RPE65: variants seen among roughly 807,000 people sequenced by gnomAD.
RPE65 encodes retinoid isomerohydrolase.
Under a neutral mutation model 68.5 loss-of-function variants are expected in RPE65, and 58 were observed. The observed-to-expected ratio is 0.85, with a 90% confidence interval of 0.69 to 1.05. The LOEUF is 1.05. RPE65 is among the 50% of genes least tolerant of loss of function. The probability of loss-of-function intolerance (pLI) is 0.00; values close to 1 mark genes in which losing one functional copy is unlikely to be tolerated. For synonymous variants in RPE65, 220 were observed against 222.2 expected (o/e 0.99, Z 0.09); for missense variants, 643 against 629.9 (o/e 1.02, Z -0.22).
intron 10 of RPE65, among the ~76,000 whole-genome samples, chr1:68,432,675 T>C (rs972613383): frequency 6.6e-6 from 1 of 152,150 alleles, no homozygotes; most frequent in Non-Finnish European, 1.5e-5. Flanking sequence ...TAGGTCATTA[T>C]GAGGACTTGA....
intron 3 of RPE65, among the ~76,000 whole-genome samples, chr1:68,445,574 C>T (rs771362318): frequency 2.6e-5 from 4 of 151,928 alleles, no homozygotes; most frequent in Non-Finnish European, 4.4e-5. Flanking sequence ...AGTGCAGTGG[C>T]GCAATCTTGG....
At chr1:68,439,682 TTA>T in intron 6 of RPE65, 40 bp from the exon 7 acceptor site, 7 of 1,523,394 alleles carry the variant, frequency 4.6e-6, no homozygotes, top group Middle Eastern at 1.7e-4. Flanking sequence ...GAAGAGCCTC[TTA>T]TTTTTTTTTT....
At chr1:68,435,090 A>G (rs1645851453) in intron 10 of RPE65, among the ~76,000 whole-genome samples, 1 of 152,020 alleles carries the variant, frequency 6.6e-6, no homozygotes, top group South Asian at 2.1e-4. Flanking sequence ...CAACTTGTCT[A>G]TGGCAATGGG....
chr1:68,446,988 C>T lies in RPE65; in HGVS notation c.95-128G>A, dbSNP rs57229366. 2,310 of 1,267,880 alleles carry T rather than the reference C, an allele frequency of 1.8e-3. 24 individuals are homozygous for T. The African/African-American group carries it at 0.027, about 15-fold the overall frequency. The allele number at this position is 1,267,880 out of a possible 1,614,324, so 78.5% of individuals were successfully genotyped here. ...TCCTCATAGAGCTGGCAGTGATTTTCATTTCCAGCCCTCGCGCTGGACAGC... is the reference window on the plus strand; with the variant it reads ...TCCTCATAGAGCTGGCAGTGATTTTTATTTCCAGCCCTCGCGCTGGACAGC... On this transcript the variant is annotated intron_variant, in intron 2 of 13. Coordinates refer to ENST00000262340, the MANE Select transcript of RPE65 (RefSeq NM_000329.3).
rs145318478 is a variant in RPE65, at chr1:68,429,803, G to A, written c.1575C>T (p.Thr525=). The change falls in exon 14 of 14, where the codon ACC becomes ACT. Residue 525 remains threonine, a synonymous_variant. Coordinates refer to ENST00000262340, the MANE Select transcript of RPE65 (RefSeq NM_000329.3). ...AAGATTTTTTGAACAGTCCATGAAA[G>A]GTGACAGGGATGTTAATCTCCACTT... The part of the protein sequence containing the change: ...RAEVEINIPV[T]FHGLFKKS 3 of 1,613,694 alleles carry A rather than the reference G, an allele frequency of 1.9e-6. No homozygotes were observed. Among genetic ancestry groups the A allele is most frequent in the Admixed American group, 3.3e-5 (2 of 59,970 alleles).
chr1:68,439,776 T>A, intron 6 of RPE65, 134 bp from the exon 7 acceptor site: 2 of 719,312 alleles, frequency 2.8e-6, no homozygotes, highest in Non-Finnish European at 4.7e-6. Context: ...ATTTTCTCCA[T>A]CATTTGCACT....
Position 68,435,602 on chromosome 1 carries a change from T to G in RPE65, c.1128+2585A>C, listed in dbSNP as rs1555847. ...CTACTTTTGCCTATGTTTCAACCAA[T>G]TATAATAGCCAATTCTCTCTGCGTA... On this transcript the variant is annotated intron_variant, in intron 10 of 13. Coordinates refer to ENST00000262340, the MANE Select transcript of RPE65 (RefSeq NM_000329.3). 8.8e-3 allele frequency among the ~76,000 whole-genome samples: 1,342 copies of G among 152,284 alleles called. 19 individuals carry two copies. Among genetic ancestry groups the G allele is most frequent in the African/African-American group, 0.031 (1,283 of 41,556 alleles).
chr1:68,449,011 T>A (rs1016651045), intron 1 of RPE65, among the ~76,000 whole-genome samples: 1 of 152,140 alleles, frequency 6.6e-6, no homozygotes, highest in African/African-American at 2.4e-5. Flanking sequence ...CTTAATCCTG[T>A]CCTCTGCAGT....
Position 68,439,198 on chromosome 1 carries a change from G to A in RPE65, c.851C>T (p.Thr284Ile), listed in dbSNP as rs762063627. Residue 284 changes from threonine (T) to isoleucine (I), a missense_variant, in exon 8 of 14, where the codon ACC becomes ATC. Transcript: ENST00000262340. ...AATATATCTAAGACTTACCCCCATG[G>A]TTTCATTGGACTCAAAACAATCCAT... is the stretch of plus-strand genomic sequence containing the variant. Reference protein sequence around the residue: ...NYMDCFESNETMGVWLHIADK... With the variant: ...NYMDCFESNEIMGVWLHIADK... 5 of 1,614,034 alleles carry A rather than the reference G, an allele frequency of 3.1e-6. No homozygotes were observed. Among genetic ancestry groups the A allele is most frequent in the Admixed American group, 3.3e-5 (2 of 60,008 alleles).
intron 2 of RPE65, among the ~76,000 whole-genome samples, 198 bp from the exon 3 acceptor site, chr1:68,447,058 C>T (rs138835303): frequency 9.3e-4 from 142 of 152,208 alleles, no homozygotes; most frequent in African/African-American, 3.3e-3. Flanking sequence ...ACTAGGAGAT[C>T]ACACCTTGGG....
intron 10 of RPE65, among the ~76,000 whole-genome samples, chr1:68,432,588 G>T (rs1384545205): frequency 6.6e-6 from 1 of 152,100 alleles, no homozygotes; most frequent in East Asian, 1.9e-4. Context: ...GTCCAGTGTG[G>T]ATTCTATCAA....
chr1:68,437,327 G>A (rs1383286086), intron 10 of RPE65, among the ~76,000 whole-genome samples: 1 of 151,982 alleles, frequency 6.6e-6, no homozygotes, highest in East Asian at 1.9e-4. Flanking sequence ...ACTCCTCCTT[G>A]CCTTTATAGA....
rs1191709569 is a variant in RPE65, at chr1:68,439,276, T to G, written c.773A>C (p.Lys258Thr). The G allele has an allele frequency of 2.5e-6, 4 of 1,613,870 alleles. No homozygotes were observed. Among genetic ancestry groups the G allele is most frequent in the Non-Finnish European group, 3.4e-6 (4 of 1,179,968 alleles). Residue 258 changes from lysine to threonine, a missense_variant, in exon 8 of 14, where the codon AAA becomes ACA. Physicochemically the swap from Lys to Thr is moderately conservative, Grantham distance 78. Transcript: ENST00000262340. The part of the protein sequence containing the change: ...NYIVFVETPV[K>T]INLFKFLSSW... ...AGAAAGGAACTTGAACAGGTTAATT[T>G]TGACTGGTGTCTCCACAAAAACGAT...
intron 8 of RPE65, 40 bp downstream of exon 8, chr1:68,439,151 C>A (rs2100818937): frequency 6.2e-7 from 1 of 1,613,982 alleles, no homozygotes; most frequent in Admixed American, 1.7e-5. Context: ...AACACATCTT[C>A]TTCAGAATCA....
intron 2 of RPE65, among the ~76,000 whole-genome samples, chr1:68,447,574 A>G (rs769803491): frequency 1.4e-4 from 21 of 152,260 alleles, no homozygotes; most frequent in Non-Finnish European, 2.4e-4. Flanking sequence ...CTAAAAACCC[A>G]GGTAGGGCCG....
At chr1:68,439,474 T>C in intron 7 of RPE65, 87 bp downstream of exon 7, 1 of 1,563,718 alleles carries the variant, frequency 6.4e-7, no homozygotes, top group South Asian at 1.1e-5. Flanking sequence ...CAAAAAAATA[T>C]TGTGATCAGG....
At chr1:68,433,615 G>C (rs1257998018) in intron 10 of RPE65, among the ~76,000 whole-genome samples, 1 of 152,138 alleles carries the variant, frequency 6.6e-6, no homozygotes, top group Non-Finnish European at 1.5e-5. Flanking sequence ...AAAGAGAGGA[G>C]GGTGTGGAAT....
At position 68,444,763 on chromosome 1, in the gene RPE65, T is replaced by C; in HGVS notation, c.353+13A>G. On this transcript the variant is annotated intron_variant, in intron 4 of 13. Coordinates refer to ENST00000262340, the MANE Select transcript of RPE65 (RefSeq NM_000329.3). ...AAAATGTCTTGAGTAACATTCAGTT[T>C]GGGTTCAGTAACCTGGAAAATATAT... 15 of 1,614,098 alleles carry C rather than the reference T, an allele frequency of 9.3e-6. No individual in the cohort carries two copies. Among genetic ancestry groups the C allele is most frequent in the Non-Finnish European group, 1.3e-5 (15 of 1,179,916 alleles).
chr1:68,433,412 G>A (rs957853387), intron 10 of RPE65, among the ~76,000 whole-genome samples: 1 of 152,264 alleles, frequency 6.6e-6, no homozygotes, highest in African/African-American at 2.4e-5. Context: ...ATGTGAAGGA[G>A]GATGAAAGAG....
Sources: allele counts gnomAD v4.1 joint callset (sites outside exome capture counted in the v4.1 genomes callset), GRCh38; gene constraint gnomAD v4.1.1; transcripts MANE v1.5; gene names NCBI Gene and HGNC (gene_info 2026-07-23, HGNC 2026-07-21).